PARD6B: variants seen among roughly 807,000 people sequenced by gnomAD.
PARD6B encodes the protein par-6 family cell polarity regulator beta, also known as partitioning defective 6 homolog beta.
A neutral mutation model predicts 10.5 loss-of-function variants in PARD6B; 4 were observed. The ratio of observed to expected loss-of-function variants is 0.38; its 90% confidence interval spans 0.19 to 0.87. PARD6B has a LOEUF of 0.87. Among genes scored for constraint, PARD6B ranks in the 40% least tolerant of loss-of-function variants. The pLI is 0.41. For synonymous variants in PARD6B, 169 were observed against 170.4 expected (o/e 0.99, Z 0.07); for missense variants, 396 against 470.6 (o/e 0.84, Z 1.47).
chr20:50,748,293 G>A (rs1392074530), intron 2 of PARD6B, among the ~76,000 whole-genome samples: 1 of 152,254 alleles, frequency 6.6e-6, no homozygotes, highest in Non-Finnish European at 1.5e-5. Flanking sequence ...GCAGTGAGCT[G>A]AGATCATGCC....
intron 1 of PARD6B, among the ~76,000 whole-genome samples, chr20:50,733,426 A>AAAAAC (rs143996746): frequency 6.6e-6 from 1 of 152,194 alleles, no homozygotes; most frequent in Admixed American, 6.5e-5. Flanking sequence ...CTCCATCTCA[A>AAAAAC]AAAACAAAAC....
In PARD6B at chr20:50,749,900, C is replaced by T; in HGVS notation, c.531C>T (p.Ser177=). Residue 177 remains serine (S), a synonymous_variant, in exon 3 of 3, where the codon TCC becomes TCT. Coordinates refer to ENST00000371610, the MANE Select transcript of PARD6B (RefSeq NM_032521.3). ...KPLGFYIRDG[S]SVRVTPHGLE... is the part of the protein sequence containing the mutation. ...TAGGATTCTACATCCGGGATGGCTC[C>T]AGTGTCAGGGTAACACCACATGGCT... 1 of 1,614,224 alleles carries T rather than the reference C, an allele frequency of 6.2e-7. No individual in the cohort carries two copies. Among genetic ancestry groups the T allele is most frequent in the Non-Finnish European group, 8.5e-7 (1 of 1,180,048 alleles).
intron 1 of PARD6B, among the ~76,000 whole-genome samples, chr20:50,733,446 AC>A (rs1463635965): frequency 5.3e-5 from 8 of 152,084 alleles, no homozygotes; most frequent in African/African-American, 1.7e-4. Context: ...CAAAACAAAA[AC>A]AAAAACGGCT....
At chr20:50,736,660 T>C (rs2087500974) in intron 1 of PARD6B, among the ~76,000 whole-genome samples, 1 of 152,068 alleles carries the variant, frequency 6.6e-6, no homozygotes, top group Admixed American at 6.5e-5. Context: ...ATCCTGTTTA[T>C]CATGGACTAG....
chr20:50,753,626 C>T lies in PARD6B; in HGVS notation c.*3138C>T. Reference sequence around the variant, plus strand: ...ATAACTATCAAATGTCAGTATTTTACTACAATTTTATTATAAAGTGTACAT... The same window carrying T: ...ATAACTATCAAATGTCAGTATTTTATTACAATTTTATTATAAAGTGTACAT... On this transcript the variant is annotated 3_prime_UTR_variant, in exon 3 of 3. Transcript: ENST00000371610. The T allele has an allele frequency of 1.2e-6, 1 of 803,020 alleles. No individual in the cohort carries two copies. Among genetic ancestry groups the T allele is most frequent in the Non-Finnish European group, 1.5e-6 (1 of 663,402 alleles). The allele number at this position is 803,020 out of a possible 1,614,324, so 49.7% of individuals were successfully genotyped here. A position where few individuals can be genotyped will look rare whatever the true frequency, so the allele number is the denominator to read the frequency against.
chr20:50,744,101 G>C (rs1252067787), intron 2 of PARD6B, among the ~76,000 whole-genome samples: 1 of 121,622 alleles, frequency 8.2e-6, no homozygotes, highest in Non-Finnish European at 1.7e-5. Flanking sequence ...TACTGAAGTA[G>C]CTTCTTTTTT....
intron 2 of PARD6B, among the ~76,000 whole-genome samples, chr20:50,745,587 C>T (rs1190170854): frequency 6.6e-6 from 1 of 152,130 alleles, no homozygotes; most frequent in African/African-American, 2.4e-5. Flanking sequence ...TCAGCTTCGA[C>T]CTCTCAGGCT....
rs546746042 is a variant in PARD6B, at chr20:50,752,709, C to A, written c.*2221C>A. 1 of 980,476 alleles carries A rather than the reference C, an allele frequency of 1.0e-6. No homozygotes were observed. The highest frequency in any genetic ancestry group is 4.7e-5 in the South Asian group (1 of 21,180). 60.7% of individuals were successfully genotyped at this position (980,476 alleles called of 1,614,324 possible). ...TACAACAATGAAGATTCAAATGACTCCGCTTTGAAGGATGTTTTCTCTATA... is the reference window on the plus strand; with the variant it reads ...TACAACAATGAAGATTCAAATGACTACGCTTTGAAGGATGTTTTCTCTATA... On this transcript the variant is annotated 3_prime_UTR_variant, in exon 3 of 3. Coordinates refer to ENST00000371610, the MANE Select transcript of PARD6B (RefSeq NM_032521.3).
In PARD6B at chr20:50,750,653, T is replaced by C; in HGVS notation, c.*165T>C. On this transcript the variant is annotated 3_prime_UTR_variant, in exon 3 of 3. Transcript: ENST00000371610. ...AGTAGTAGTTTGATAATTGTTAATA[T>C]AAACTTTGGTGGATCAGAGGTGAAT... 3.6e-6 allele frequency: 5 copies of C among 1,403,256 alleles called. No individual in the cohort carries two copies. Among genetic ancestry groups the C allele is most frequent in the South Asian group, 1.6e-5 (1 of 60,888 alleles). The allele number at this position is 1,403,256 out of a possible 1,614,324, so 86.9% of individuals were successfully genotyped here. A position where few individuals can be genotyped will look rare whatever the true frequency, so the allele number is the denominator to read the frequency against.
chr20:50,747,652 A>AG (rs2087576588), intron 2 of PARD6B, among the ~76,000 whole-genome samples: 2 of 149,486 alleles, frequency 1.3e-5, no homozygotes, highest in South Asian at 4.2e-4. Flanking sequence ...TTCTGCTGTT[A>AG]GTTTCATTTT....
At position 50,735,807 on chromosome 20, in the gene PARD6B, T is replaced by C. The variant is rs1486166759; in HGVS notation, c.67-2050T>C. Among the ~76,000 whole-genome samples the C allele has an allele frequency of 2.6e-5, 4 of 152,236 alleles. No individual in the cohort carries two copies. In the East Asian group the frequency reaches 5.8e-4, roughly 22 times the overall value. ...TCATCCAAAAGCTTTAACAAAAACA[T>C]TGAAGCCCTAAAATGTTAAATGATC... On this transcript the variant is annotated intron_variant, in intron 1 of 2. Coordinates refer to ENST00000371610, the MANE Select transcript of PARD6B (RefSeq NM_032521.3).
At chr20:50,734,968 G>C (rs1233103372) in intron 1 of PARD6B, among the ~76,000 whole-genome samples, 2 of 152,124 alleles carry the variant, frequency 1.3e-5, no homozygotes, top group Admixed American at 1.3e-4. Context: ...TGGCCAACAC[G>C]GTGAAACCCT....
intron 1 of PARD6B, among the ~76,000 whole-genome samples, chr20:50,732,356 T>G (rs939945406): frequency 6.6e-6 from 1 of 152,084 alleles, no homozygotes; most frequent in Non-Finnish European, 1.5e-5. Context: ...TTTCTAGCAC[T>G]AACTTTGGTA....
At chr20:50,743,002 T>C (rs2087539056) in intron 2 of PARD6B, among the ~76,000 whole-genome samples, 1 of 152,218 alleles carries the variant, frequency 6.6e-6, no homozygotes. Flanking sequence ...GAGTTTATCC[T>C]AATTGATTCG....
chr20:50,737,814 C>CTTT (rs77434064), intron 1 of PARD6B, 43 bp from the exon 2 acceptor site: 179 of 1,073,438 alleles, frequency 1.7e-4, no homozygotes, highest in South Asian at 4.2e-4. Flanking sequence ...GGTCCTTTTA[C>CTTT]TTTTTTTTTT....
chr20:50,749,040 T>C (rs918035746), intron 2 of PARD6B, among the ~76,000 whole-genome samples: 43 of 152,186 alleles, frequency 2.8e-4, no homozygotes, highest in African/African-American at 9.6e-4. Flanking sequence ...TATTTAATGA[T>C]GTTTAAGAAT....
Position 50,751,988 on chromosome 20 carries a change from C to T in PARD6B, c.*1500C>T. 1.0e-6 allele frequency: 1 copy of T among 985,386 alleles called. No individual in the cohort carries two copies. The highest frequency in any genetic ancestry group is 1.2e-6 in the Non-Finnish European group (1 of 829,932). The allele number at this position is 985,386 out of a possible 1,614,324, so 61.0% of individuals were successfully genotyped here. On this transcript the variant is annotated 3_prime_UTR_variant, in exon 3 of 3. Coordinates refer to ENST00000371610, the MANE Select transcript of PARD6B (RefSeq NM_032521.3). Reference sequence around the variant, plus strand: ...AGTGCTGGATTGCAGGCATGAGCGCCTAGCCAGGAAGCTATCTTTTCTTGA... The same window carrying T: ...AGTGCTGGATTGCAGGCATGAGCGCTTAGCCAGGAAGCTATCTTTTCTTGA...
chr20:50,744,380 C>T (rs977437836), intron 2 of PARD6B, among the ~76,000 whole-genome samples: 1 of 152,014 alleles, frequency 6.6e-6, no homozygotes, highest in Admixed American at 6.5e-5. Context: ...TGCCAAAGTG[C>T]TGGGATTACA....
At chr20:50,748,296 A>T (rs2087580492) in intron 2 of PARD6B, among the ~76,000 whole-genome samples, 1 of 152,248 alleles carries the variant, frequency 6.6e-6, no homozygotes, top group East Asian at 1.9e-4. Flanking sequence ...GTGAGCTGAG[A>T]TCATGCCTCT....
Sources: gnomAD v4.1 joint callset for allele counts (sites outside exome capture counted in the v4.1 genomes callset) on GRCh38, gnomAD v4.1.1 for gene constraint, MANE v1.5 for transcripts, NCBI Gene and HGNC (gene_info 2026-07-23, HGNC 2026-07-21) for gene names.